RPRD2: variants seen among roughly 807,000 people sequenced by gnomAD.
RPRD2 encodes the protein regulation of nuclear pre-mRNA domain-containing protein 2.
A neutral mutation model predicts 104.4 loss-of-function variants in RPRD2; 12 were observed. The ratio of observed to expected loss-of-function variants is 0.11; its 90% confidence interval spans 0.07 to 0.19. The LOEUF (loss-of-function observed/expected upper bound fraction) is 0.19, where lower values mean the gene tolerates loss of function less well. Ranked by LOEUF, RPRD2 falls within the 10% of genes least tolerant of loss-of-function variation. RPRD2 has a pLI of 1.00. For missense variants in RPRD2, 1,543 were observed against 1,790.1 expected, an observed-to-expected ratio of 0.86 and a Z score of 2.49; for synonymous variants, 714 against 684.9, an observed-to-expected ratio of 1.04 and a Z score of -0.66.
rs1668816656 is a variant in RPRD2 at position 150,474,963 on chromosome 1, A to G, written c.*1629A>G. 2 of 152,194 alleles carry G rather than the reference A, an allele frequency of 1.3e-5. No homozygotes were observed. The highest frequency in any genetic ancestry group is 4.8e-5 in the African/African-American group (2 of 41,456). 9.4% of individuals were successfully genotyped at this position (152,194 alleles called of 1,614,324 possible). A position where few individuals can be genotyped will look rare whatever the true frequency, so the allele number is the denominator to read the frequency against. ...AGAAAGAGCAGCATAAACCAGGTGC[A>G]CATCATGATTTGGGAGTTTTTGCGT... is the stretch of plus-strand genomic sequence containing the variant. On this transcript the variant is annotated 3_prime_UTR_variant, in exon 11 of 11. Coordinates refer to ENST00000369068, the MANE Select transcript of RPRD2 (RefSeq NM_015203.5).
intron 1 of RPRD2, among the ~76,000 whole-genome samples, chr1:150,376,042 G>A (rs1278367179): frequency 2.6e-5 from 4 of 152,142 alleles, no homozygotes; most frequent in Admixed American, 2.0e-4. Flanking sequence ...TTTGAGAAAA[G>A]GCAACAATTC....
Position 150,472,431 on chromosome 1 carries a change from C to T in RPRD2, c.3483C>T (p.Gly1161=). ...GTGGGGGCAGCGGAGGCCTCACTGGCTTTAAAACAGCACCATACAAGGAAC... is the reference window on the plus strand; with the variant it reads ...GTGGGGGCAGCGGAGGCCTCACTGGTTTTAAAACAGCACCATACAAGGAAC... The part of the protein sequence containing the change: ...LGGGGSGGLT[G]FKTAPYKERA... The change falls in exon 11 of 11, where the codon GGC becomes GGT. Residue 1161 remains glycine (G), a synonymous_variant. Coordinates refer to ENST00000369068, the MANE Select transcript of RPRD2 (RefSeq NM_015203.5). 1.2e-6 allele frequency: 2 copies of T among 1,613,950 alleles called. No homozygotes were observed. Among genetic ancestry groups the T allele is most frequent in the Non-Finnish European group, 1.7e-6 (2 of 1,179,878 alleles).
At chr1:150,432,704 A>G (rs969131831) in intron 2 of RPRD2, among the ~76,000 whole-genome samples, 58 of 151,732 alleles carry the variant, frequency 3.8e-4, no homozygotes, top group African/African-American at 1.3e-3. Flanking sequence ...GGAGCTGCGC[A>G]TGGTGGCTCA....
At chr1:150,376,735 C>T (rs1660726428) in intron 1 of RPRD2, among the ~76,000 whole-genome samples, 1 of 151,428 alleles carries the variant, frequency 6.6e-6, no homozygotes, top group Non-Finnish European at 1.5e-5. Flanking sequence ...CTCCTGACCT[C>T]GTGATCCGCC....
chr1:150,450,820 A>T (rs782668727), intron 7 of RPRD2, among the ~76,000 whole-genome samples: 2 of 151,790 alleles, frequency 1.3e-5, no homozygotes, highest in Non-Finnish European at 2.9e-5. Flanking sequence ...CATATTGGCC[A>T]GACTGGTCTC....
At chr1:150,401,938 C>T (rs1224273249) in intron 1 of RPRD2, among the ~76,000 whole-genome samples, 44 of 147,276 alleles carry the variant, frequency 3.0e-4, no homozygotes, top group Admixed American at 7.5e-4. Flanking sequence ...CCACCGTGCC[C>T]AGTGGGGTTT....
In RPRD2 at chr1:150,431,473, A is replaced by ATTTTTTTTTTTTTTTTT. The variant is rs1160491386; in HGVS notation, c.336-9442_336-9426dup. On this transcript the variant is annotated intron_variant, in intron 2 of 10. Coordinates refer to ENST00000369068, the MANE Select transcript of RPRD2 (RefSeq NM_015203.5). ...TATTATTCAGTCTTAAAAAGGAAGG[A>ATTTTTTTTTTTTTTTTT]TTTTTTTTTTTTTTTTTTTTTTTTG... is the stretch of plus-strand genomic sequence containing the variant. Among the ~76,000 whole-genome samples, 26 of 78,844 alleles carry ATTTTTTTTTTTTTTTTT rather than the reference A, an allele frequency of 3.3e-4. 3 individuals are homozygous for ATTTTTTTTTTTTTTTTT. Among genetic ancestry groups the ATTTTTTTTTTTTTTTTT allele is most frequent in the East Asian group, 1.0e-3 (2 of 1,920 alleles). 51.7% of individuals were successfully genotyped at this position (78,844 alleles called of 152,430 possible).
In RPRD2 at chr1:150,472,572, G is replaced by A; in HGVS notation, c.3624G>A (p.Glu1208=). ...PLEHGTPFQR[E]PVGPSSAPPV... ...AACATGGGACACCCTTCCAGAGAGA[G>A]CCAGTGGGGCCATCATCTGCCCCAC... Residue 1208 remains glutamate, a synonymous_variant, in exon 11 of 11, where the codon GAG becomes GAA. Coordinates refer to ENST00000369068, the MANE Select transcript of RPRD2 (RefSeq NM_015203.5). 2 of 1,613,930 alleles carry A rather than the reference G, an allele frequency of 1.2e-6. No individual in the cohort carries two copies. The highest frequency in any genetic ancestry group is 1.7e-6 in the Non-Finnish European group (2 of 1,179,850).
intron 2 of RPRD2, among the ~76,000 whole-genome samples, chr1:150,419,429 G>C (rs1197918653): frequency 6.6e-6 from 1 of 152,130 alleles, no homozygotes; most frequent in African/African-American, 2.4e-5. Context: ...CCTTAGGATT[G>C]TTAACTTAAA....
In RPRD2 at chr1:150,364,970, G is replaced by T. The variant is rs1659722008; in HGVS notation, c.205+51G>T. The stretch of plus-strand genomic sequence containing the variant: ...GGGAAGACTGGGGAAATGGAAGGAA[G>T]TGTGGCCTGAAACGCTTGGGGTTTT... On this transcript the variant is annotated intron_variant, in intron 1 of 10. Coordinates refer to ENST00000369068, the MANE Select transcript of RPRD2 (RefSeq NM_015203.5). 12 of 1,585,166 alleles carry T rather than the reference G, an allele frequency of 7.6e-6. No individual in the cohort carries two copies. In the Admixed American group the frequency reaches 1.4e-4, roughly 18 times the overall value.
chr1:150,435,114 A>G (rs963209496), intron 2 of RPRD2, among the ~76,000 whole-genome samples: 4 of 152,278 alleles, frequency 2.6e-5, no homozygotes, highest in Non-Finnish European at 5.9e-5. Flanking sequence ...GTGATCTGTG[A>G]TCAGCGATGT....
chr1:150,403,953 T>C (rs1553886000), intron 1 of RPRD2, among the ~76,000 whole-genome samples: 1 of 152,062 alleles, frequency 6.6e-6, no homozygotes, highest in Non-Finnish European at 1.5e-5. Flanking sequence ...ACCCAATGTT[T>C]TCTTAAAGCT....
intron 10 of RPRD2, among the ~76,000 whole-genome samples, chr1:150,465,272 C>G (rs1273076130): frequency 1.3e-5 from 2 of 152,024 alleles, no homozygotes; most frequent in Admixed American, 6.6e-5. Flanking sequence ...TGCCCACCAC[C>G]ACATCCAGCT....
At chr1:150,453,313 G>A (rs1362472875) in intron 7 of RPRD2, among the ~76,000 whole-genome samples, 2 of 152,136 alleles carry the variant, frequency 1.3e-5, no homozygotes, top group African/African-American at 2.4e-5. Flanking sequence ...TTACAGGCGT[G>A]AGCCACCGCG....
intron 1 of RPRD2, among the ~76,000 whole-genome samples, chr1:150,380,695 G>A (rs781870377): frequency 3.3e-5 from 5 of 151,100 alleles, no homozygotes; most frequent in African/African-American, 7.3e-5. Context: ...TCTCTCTGTC[G>A]CCAGGCTGGA....
At chr1:150,437,540 T>TA (rs1410082707) in intron 2 of RPRD2, among the ~76,000 whole-genome samples, 8 of 152,156 alleles carry the variant, frequency 5.3e-5, no homozygotes, top group Non-Finnish European at 1.2e-4. Context: ...ATTGCACACT[T>TA]AATTGACTAT....
chr1:150,410,261 A>G (rs1427770795), intron 1 of RPRD2, among the ~76,000 whole-genome samples: 1 of 152,162 alleles, frequency 6.6e-6, no homozygotes, highest in Non-Finnish European at 1.5e-5. Flanking sequence ...CTTGTTAAAG[A>G]GGGGACCATT....
chr1:150,424,453 A>G (rs1553890237), intron 2 of RPRD2, among the ~76,000 whole-genome samples: 2 of 151,796 alleles, frequency 1.3e-5, no homozygotes, highest in Non-Finnish European at 2.9e-5. Flanking sequence ...ATGCCCAGCT[A>G]ATTTTTGTAT....
rs768373303 is a variant in RPRD2 at position 150,472,554 on chromosome 1, G to C, written c.3606G>C (p.Gly1202=). 6.2e-7 allele frequency: 1 copy of C among 1,613,900 alleles called. No individual in the cohort carries two copies. The highest frequency in any genetic ancestry group is 1.1e-5 in the South Asian group (1 of 91,072). The change falls in exon 11 of 11, where the codon GGG becomes GGC. Residue 1202 remains glycine, a synonymous_variant. Coordinates refer to ENST00000369068, the MANE Select transcript of RPRD2 (RefSeq NM_015203.5). Reference sequence around the variant, plus strand: ...TTCCCCCATCCCCCTTGGAACATGGGACACCCTTCCAGAGAGAGCCAGTGG... The same window carrying C: ...TTCCCCCATCCCCCTTGGAACATGGCACACCCTTCCAGAGAGAGCCAGTGG... ...HHLPPSPLEH[G]TPFQREPVGP...
Sources: allele counts gnomAD v4.1 joint callset (sites outside exome capture counted in the v4.1 genomes callset), GRCh38; gene constraint gnomAD v4.1.1; transcripts MANE v1.5; gene names NCBI Gene and HGNC (gene_info 2026-07-23, HGNC 2026-07-21).